PCM1: variants seen among roughly 807,000 people sequenced by gnomAD.
PCM1 encodes pericentriolar material 1 protein.
PCM1 carries 157 observed loss-of-function variants against 241.9 expected under a neutral mutation model. The ratio of observed to expected loss-of-function variants is 0.65; its 90% CI spans 0.57 to 0.74. The LOEUF (loss-of-function observed/expected upper bound fraction) is 0.74. Among genes scored for constraint, PCM1 ranks in the 30% least tolerant of loss-of-function variants. The pLI, the probability that PCM1 is intolerant of heterozygous loss-of-function variation, is 0.00. For missense variants in PCM1, 3,478 were observed against 2,360.1 expected (o/e 1.47, Z -9.81); for synonymous variants, 1,085 against 784.9 (o/e 1.38, Z -6.39).
chr8:17,961,255 G>A (rs564303417), intron 15 of PCM1, among the ~76,000 whole-genome samples: 82 of 150,802 alleles, frequency 5.4e-4, no homozygotes, highest in Middle Eastern at 3.6e-3. Context: ...AATAATATGG[G>A]AAGGGGATAA....
Position 18,025,655 on chromosome 8 carries a change from C to T in PCM1, c.6046C>T (p.Pro2016Ser), listed in dbSNP as rs1416632752. The change falls in exon 38 of 39, where the codon CCT becomes TCT. Residue 2016 changes from proline to serine, a missense_variant. Physicochemically the swap from Pro to Ser is moderately conservative, Grantham distance 74. Coordinates refer to ENST00000325083, the MANE Select transcript of PCM1 (RefSeq NM_006197.4). ...TGGAAATTCTGAGACACTAAAAGAA[C>T]CTGGTAAGAGTTATCAATTTAAATC... ...LAGNSETLKE[P>S]ETVGAQSI 1 of 1,504,010 alleles carries T rather than the reference C, an allele frequency of 6.6e-7. No individual in the cohort carries two copies. The highest frequency in any genetic ancestry group is 9.1e-7 in the Non-Finnish European group (1 of 1,099,748). 93.2% of individuals were successfully genotyped at this position (1,504,010 alleles called of 1,614,324 possible). A position where few individuals can be genotyped will look rare whatever the true frequency, so the allele number is the denominator to read the frequency against.
intron 21 of PCM1, among the ~76,000 whole-genome samples, chr8:17,967,562 C>T (rs954998044): frequency 2.0e-5 from 3 of 152,198 alleles, no homozygotes; most frequent in Admixed American, 6.5e-5. Context: ...CCTGCCTTGG[C>T]CTCCCATGGT....
chr8:18,006,402 G>C lies in PCM1; in HGVS notation c.4962+5G>C. 1 of 1,593,078 alleles carries C rather than the reference G, an allele frequency of 6.3e-7. No homozygotes were observed. The highest frequency in any genetic ancestry group is 8.6e-7 in the Non-Finnish European group (1 of 1,161,146). ...CAACTTGGAAGTATATTACAGGTAA[G>C]AGTTTATACTTGTATGATTTACCAA... On this transcript the variant is annotated splice_donor_5th_base_variant and intron_variant, in intron 30 of 38. Coordinates refer to ENST00000325083, the MANE Select transcript of PCM1 (RefSeq NM_006197.4).
chr8:17,923,597 C>T (rs1204334807), intron 1 of PCM1, among the ~76,000 whole-genome samples: 1 of 151,894 alleles, frequency 6.6e-6, no homozygotes, highest in Admixed American at 6.6e-5. Context: ...GCCTTGGTGG[C>T]CATAGTTCTT....
At chr8:17,968,939 A>G (rs2075973070) in intron 21 of PCM1, among the ~76,000 whole-genome samples, 1 of 152,050 alleles carries the variant, frequency 6.6e-6, no homozygotes, top group Non-Finnish European at 1.5e-5. Context: ...TTTTACTAAA[A>G]TATACTTCAT....
rs2081405552 is a variant in PCM1 at position 17,983,007 on chromosome 8, T to C, written c.4108+2252T>C. 2.6e-5 allele frequency among the ~76,000 whole-genome samples: 4 copies of C among 152,336 alleles called. 1 individual carries two copies. In the South Asian group the frequency reaches 8.3e-4, roughly 32 times the overall value. ...CTTCTAAAAATGAATGATAGAAGTT[T>C]ATTATGATAGTCATCATCGGTCGCC... is the stretch of plus-strand genomic sequence containing the variant. On this transcript the variant is annotated intron_variant, in intron 24 of 38. Transcript: ENST00000325083.
intron 2 of PCM1, among the ~76,000 whole-genome samples, chr8:17,928,224 A>G (rs1585449700): frequency 1.3e-5 from 2 of 152,172 alleles, no homozygotes; most frequent in African/African-American, 4.8e-5. Context: ...ATTGAGGGAT[A>G]TGAGCACTGC....
At position 18,028,469 on chromosome 8, in the gene PCM1, C is replaced by T. The variant is rs2094367523; in HGVS notation, c.*807C>T. ...TTTTAAATGAAAAACTTAACTTTTT[C>T]AAGTGGGGATAAATAATACAACTAA... On this transcript the variant is annotated 3_prime_UTR_variant, in exon 39 of 39. Coordinates refer to ENST00000325083, the MANE Select transcript of PCM1 (RefSeq NM_006197.4). 5.1e-6 allele frequency: 1 copy of T among 194,658 alleles called. No individual in the cohort carries two copies. Among genetic ancestry groups the T allele is most frequent in the Non-Finnish European group, 1.1e-5 (1 of 93,618 alleles). The allele number at this position is 194,658 out of a possible 1,614,324, so 12.1% of individuals were successfully genotyped here. A position where few individuals can be genotyped will look rare whatever the true frequency, so the allele number is the denominator to read the frequency against.
intron 8 of PCM1, among the ~76,000 whole-genome samples, chr8:17,951,760 G>A (rs1304991170): frequency 6.6e-6 from 1 of 152,076 alleles, no homozygotes; most frequent in Non-Finnish European, 1.5e-5. Flanking sequence ...TAATGACATT[G>A]GAAAGGGTAC....
chr8:18,016,071 G>A (rs1424614951), intron 36 of PCM1, among the ~76,000 whole-genome samples: 1 of 152,120 alleles, frequency 6.6e-6, no homozygotes, highest in Non-Finnish European at 1.5e-5. Context: ...TGTATTTTTA[G>A]TAGAGACAGG....
At chr8:17,937,963 C>T (rs117271580) in intron 4 of PCM1, among the ~76,000 whole-genome samples, 2,566 of 152,140 alleles carry the variant, frequency 0.017, 39 homozygotes, top group South Asian at 0.043. Flanking sequence ...ATCTATTTAT[C>T]AATTATTGAA....
intron 22 of PCM1, among the ~76,000 whole-genome samples, chr8:17,972,000 C>T (rs1340014805): frequency 1.3e-5 from 2 of 152,308 alleles, no homozygotes; most frequent in East Asian, 3.9e-4. Flanking sequence ...CTGCCTCCGC[C>T]TTCCAAAGTG....
chr8:17,951,431 C>T (rs1345605512), intron 8 of PCM1, among the ~76,000 whole-genome samples: 1 of 152,140 alleles, frequency 6.6e-6, no homozygotes, highest in Non-Finnish European at 1.5e-5. Flanking sequence ...TTTAGAGAAA[C>T]TCTCACATGT....
In PCM1 at chr8:18,006,403, A is replaced by G. The variant is rs775195939; in HGVS notation, c.4962+6A>G. Reference sequence around the variant, plus strand: ...AACTTGGAAGTATATTACAGGTAAGAGTTTATACTTGTATGATTTACCAAT... The same window carrying G: ...AACTTGGAAGTATATTACAGGTAAGGGTTTATACTTGTATGATTTACCAAT... On this transcript the variant is annotated splice_donor_region_variant and intron_variant, in intron 30 of 38. Coordinates refer to ENST00000325083, the MANE Select transcript of PCM1 (RefSeq NM_006197.4). 6 of 1,593,520 alleles carry G rather than the reference A, an allele frequency of 3.8e-6. No homozygotes were observed. The South Asian group carries it at 6.6e-5, about 18-fold the overall frequency.
chr8:17,983,373 C>G, intron 24 of PCM1: 1 of 755,200 alleles, frequency 1.3e-6, no homozygotes, highest in Non-Finnish European at 2.0e-6. Context: ...TGATTTTTTT[C>G]TTTTTTAAAT....
chr8:17,956,762 C>G lies in PCM1; in HGVS notation c.1631C>G (p.Pro544Arg), dbSNP rs906825798. ...EYDSEHENSEPVTNIRNPQVA... is the reference protein window; with the variant it reads ...EYDSEHENSERVTNIRNPQVA... ...GATTCTGAGCATGAAAATTCCGAGC[C>G]TGTTACTAACATTCGGTAAGAACTT... Residue 544 changes from proline to arginine, a missense_variant, in exon 11 of 39, where the codon CCT becomes CGT. Physicochemically the swap from Pro to Arg is moderately radical, Grantham distance 103. Transcript: ENST00000325083. The G allele has an allele frequency of 6.2e-7, 1 of 1,607,600 alleles. No homozygotes were observed. Among genetic ancestry groups the G allele is most frequent in the South Asian group, 1.1e-5 (1 of 90,000 alleles).
At chr8:17,998,050 A>C (rs1322545920) in intron 29 of PCM1, among the ~76,000 whole-genome samples, 1 of 151,764 alleles carries the variant, frequency 6.6e-6, no homozygotes, top group South Asian at 2.1e-4. Flanking sequence ...AAAAAAAAAA[A>C]AATTCTGAAT....
intron 8 of PCM1, among the ~76,000 whole-genome samples, chr8:17,952,216 T>A (rs2066295646): frequency 7.2e-6 from 1 of 138,818 alleles, no homozygotes; most frequent in South Asian, 2.2e-4. Flanking sequence ...GAGTGAGACT[T>A]TGTCTCAAAA....
intron 35 of PCM1, 124 bp from the exon 36 acceptor site, chr8:18,014,460 C>G (rs991246041): frequency 2.9e-6 from 2 of 692,612 alleles, no homozygotes; most frequent in African/African-American, 3.7e-5. Flanking sequence ...TTTGTAGTTG[C>G]CTTTTCTTTT....
Sources: allele counts gnomAD v4.1 joint callset (sites outside exome capture counted in the v4.1 genomes callset), GRCh38; gene constraint gnomAD v4.1.1; transcripts MANE v1.5; gene names NCBI Gene and HGNC (gene_info 2026-07-23, HGNC 2026-07-21).